Variants in EHHADH observed in about 807,000 individuals in gnomAD.
EHHADH encodes enoyl-CoA hydratase and 3-hydroxyacyl CoA dehydrogenase, also known as peroxisomal bifunctional enzyme.
A neutral mutation model predicts 64.4 loss-of-function variants in EHHADH; 48 were observed. The observed-to-expected ratio is 0.75, with a 90% confidence interval of 0.59 to 0.95. EHHADH has a LOEUF of 0.95. Among genes scored for constraint, EHHADH ranks in the 40% least tolerant of loss-of-function variants. The pLI, the probability that EHHADH is intolerant of heterozygous loss-of-function variation, is 0.00. For synonymous variants in EHHADH, 308 were observed against 326.7 expected, an observed-to-expected ratio of 0.94 and a Z score of 0.62; for missense variants, 854 against 876.6, an observed-to-expected ratio of 0.97 and a Z score of 0.33.
intron 4 of EHHADH, among the ~76,000 whole-genome samples, chr3:185,225,778 C>T (rs935002838): frequency 5.9e-5 from 9 of 152,148 alleles, no homozygotes; most frequent in Non-Finnish European, 1.3e-4. Flanking sequence ...AAGCATGTCC[C>T]TGCCTCAGGT....
intron 5 of EHHADH, among the ~76,000 whole-genome samples, chr3:185,217,547 G>A (rs373116035): frequency 1.0e-3 from 89 of 88,080 alleles, no homozygotes; most frequent in South Asian, 2.1e-3. Flanking sequence ...CTCTGTCTCA[G>A]AAAAAAAAAA....
rs144698232 is a variant in EHHADH at position 185,192,956 on chromosome 3, C to T, written c.1442G>A (p.Gly481Glu). ...VVVGNCFGFV[G>E]NRMLNPYYNQ... Reference sequence around the variant, plus strand: ...GTAGTAAGGATTCAACATTCGATTCCCCACAAATCCAAAACAGTTGCCTAC... The same window carrying T: ...GTAGTAAGGATTCAACATTCGATTCTCCACAAATCCAAAACAGTTGCCTAC... The change falls in exon 7 of 7, where the codon GGG becomes GAG. Residue 481 changes from glycine (G) to glutamate (E), a missense_variant. By Grantham distance (98) the Gly-to-Glu change is moderately conservative. Coordinates refer to ENST00000231887, the MANE Select transcript of EHHADH (RefSeq NM_001966.4). 1.5e-4 allele frequency: 238 copies of T among 1,614,052 alleles called. No individual in the cohort carries two copies. The highest frequency in any genetic ancestry group is 2.0e-4 in the Non-Finnish European group (232 of 1,180,050).
At position 185,192,403 on chromosome 3, in the gene EHHADH, G is replaced by C; in HGVS notation, c.1995C>G (p.Phe665Leu). ...TGGGCAACCCAACTGTGGAAGCATAGAACATGGGCCCGCCCTTGTGCCTTG... is the reference window on the plus strand; with the variant it reads ...TGGGCAACCCAACTGTGGAAGCATACAACATGGGCCCGCCCTTGTGCCTTG... ...GWPRHKGGPM[F>L]YASTVGLPTV... The change falls in exon 7 of 7, where the codon TTC (phenylalanine) becomes TTG (leucine). Residue 665 changes from phenylalanine to leucine, a missense_variant. Transcript: ENST00000231887. The C allele has an allele frequency of 6.2e-7, 1 of 1,614,172 alleles. No homozygotes were observed. The highest frequency in any genetic ancestry group is 2.2e-5 in the East Asian group (1 of 44,874).
At chr3:185,235,493 G>C in intron 2 of EHHADH, 31 bp from the exon 3 acceptor site, 1 of 1,566,792 alleles carries the variant, frequency 6.4e-7, no homozygotes, top group Non-Finnish European at 8.7e-7. Flanking sequence ...AGAAAACAGA[G>C]TTGAGAAATA....
intron 3 of EHHADH, among the ~76,000 whole-genome samples, chr3:185,234,683 A>G (rs1476593655): frequency 1.3e-5 from 2 of 150,224 alleles, no homozygotes; most frequent in East Asian, 3.9e-4. Context: ...GCTAAGGTTA[A>G]GGGAAACAAG....
chr3:185,239,464 G>C (rs541174977), intron 2 of EHHADH, among the ~76,000 whole-genome samples: 1 of 152,142 alleles, frequency 6.6e-6, no homozygotes, highest in East Asian at 1.9e-4. Context: ...TATTTCATCA[G>C]TGTTTTGTAG....
chr3:185,196,801 A>C (rs1718076474), intron 6 of EHHADH, among the ~76,000 whole-genome samples: 2 of 152,224 alleles, frequency 1.3e-5, no homozygotes, highest in Admixed American at 1.3e-4. Flanking sequence ...CAGGAGTTCA[A>C]GACCAGCCTG....
rs760433877 is a variant in EHHADH at position 185,248,447 on chromosome 3, C to A, written c.145G>T (p.Val49Leu). Residue 49 changes from valine to leucine, a missense_variant, in exon 2 of 7, where the codon GTG (valine) becomes TTG (leucine). Val to Leu is a conservative substitution (Grantham distance 32). Transcript: ENST00000231887. Reference sequence around the variant, plus strand: ...AATTTGCCCTCTGCTCCACAAATCACAATGGCTTTTATTGTATGGTCTATT... The same window carrying A: ...AATTTGCCCTCTGCTCCACAAATCAAAATGGCTTTTATTGTATGGTCTATT... ...AVIDHTIKAI[V>L]ICGAEGKFSA... 1.2e-6 allele frequency: 2 copies of A among 1,614,154 alleles called. No homozygotes were observed. The highest frequency in any genetic ancestry group is 3.3e-5 in the Admixed American group (2 of 60,026).
rs62288690 is a variant in EHHADH at position 185,253,720 on chromosome 3, G to A, written c.74+229C>T. ...TCAGTTTCCTTATCAGTAAAACGGG[G>A]ACGAGAGTTCCCTGCGAAGATTAAC... is the stretch of plus-strand genomic sequence containing the variant. On this transcript the variant is annotated intron_variant, in intron 1 of 6. Coordinates refer to ENST00000231887, the MANE Select transcript of EHHADH (RefSeq NM_001966.4). 66,804 of 1,005,296 alleles carry A rather than the reference G, an allele frequency of 0.066. 2,500 individuals are homozygous for A. The highest frequency in any genetic ancestry group is 0.085 in the Admixed American group (2,358 of 27,892). 62.3% of individuals were successfully genotyped at this position (1,005,296 alleles called of 1,614,324 possible).
chr3:185,222,902 C>T (rs546758729), intron 4 of EHHADH, among the ~76,000 whole-genome samples: 6 of 152,196 alleles, frequency 3.9e-5, no homozygotes, highest in South Asian at 2.1e-4. Flanking sequence ...AGTAACCTTT[C>T]GTTTTATTTG....
intron 5 of EHHADH, among the ~76,000 whole-genome samples, chr3:185,208,574 G>A (rs1253831894): frequency 6.6e-6 from 1 of 152,208 alleles, no homozygotes; most frequent in East Asian, 1.9e-4. Flanking sequence ...CGTTGCTTCT[G>A]AGAGTGTAAA....
intron 2 of EHHADH, among the ~76,000 whole-genome samples, chr3:185,237,434 T>C (rs767340643): frequency 6.6e-6 from 1 of 152,214 alleles, no homozygotes; most frequent in African/African-American, 2.4e-5. Flanking sequence ...AGCTTTGTCT[T>C]GTTCCTTTCT....
Position 185,193,298 on chromosome 3 carries a change from G to A in EHHADH, c.1100C>T (p.Ser367Leu). The A allele has an allele frequency of 6.2e-7, 1 of 1,608,484 alleles. No individual in the cohort carries two copies. Among genetic ancestry groups the A allele is most frequent in the Non-Finnish European group, 8.5e-7 (1 of 1,177,856 alleles). ...PWSGPKPRLT[S>L]SVKELGGVDL... ...TACACCACCAAGCTCCTTCACAGAT[G>A]AAGTTAACCTGGGTTTTGGTCCTGA... The change falls in exon 7 of 7, where the codon TCA becomes TTA. Residue 367 changes from serine to leucine, a missense_variant. Transcript: ENST00000231887.
intron 4 of EHHADH, chr3:185,226,746 C>G (rs1340505514): frequency 6.6e-6 from 1 of 152,044 alleles, no homozygotes; most frequent in African/African-American, 2.4e-5. Flanking sequence ...CATGACAAAC[C>G]CTGAGCTATA....
At position 185,212,370 on chromosome 3, in the gene EHHADH, G is replaced by A. The variant is rs183215474; in HGVS notation, c.568+5766C>T. 2.7e-3 allele frequency among the ~76,000 whole-genome samples: 417 copies of A among 152,316 alleles called. 3 individuals carry two copies. The highest frequency in any genetic ancestry group is 4.5e-3 in the Non-Finnish European group (307 of 68,036). On this transcript the variant is annotated intron_variant, in intron 5 of 6. Transcript: ENST00000231887. ...TCCACAGTCAACTCACCAGGATACA[G>A]TGTTAAGTTTGTAGAGAAATGTGCC...
chr3:185,226,234 G>A (rs1456388148), intron 4 of EHHADH, among the ~76,000 whole-genome samples: 1 of 152,204 alleles, frequency 6.6e-6, no homozygotes, highest in East Asian at 1.9e-4. Context: ...TGGAGGAAGC[G>A]AGCTGTCACA....
At chr3:185,215,433 C>T (rs1718655502) in intron 5 of EHHADH, among the ~76,000 whole-genome samples, 1 of 152,090 alleles carries the variant, frequency 6.6e-6, no homozygotes, top group Non-Finnish European at 1.5e-5. Context: ...TGATTTCATC[C>T]ATATGAGATT....
rs192371736 is a variant in EHHADH, at chr3:185,213,773, C to T, written c.568+4363G>A. Among the ~76,000 whole-genome samples the T allele has an allele frequency of 2.1e-3, 314 of 150,688 alleles. 1 individual carries two copies. Among genetic ancestry groups the T allele is most frequent in the Non-Finnish European group, 3.6e-3 (244 of 67,782 alleles). ...TGCATGCCTGTAATCCCAGCTACTC[C>T]AGAGGCTGAAGCAGGAGAATCAATT... On this transcript the variant is annotated intron_variant, in intron 5 of 6. Coordinates refer to ENST00000231887, the MANE Select transcript of EHHADH (RefSeq NM_001966.4).
At chr3:185,217,828 G>A (rs1477337298) in intron 5 of EHHADH, among the ~76,000 whole-genome samples, 4 of 149,884 alleles carry the variant, frequency 2.7e-5, no homozygotes. Context: ...GCAGTGGCGC[G>A]ATCTCGGCTC....
Sources: allele counts gnomAD v4.1 joint callset (sites outside exome capture counted in the v4.1 genomes callset), GRCh38; gene constraint gnomAD v4.1.1; transcripts MANE v1.5; gene names NCBI Gene and HGNC (gene_info 2026-07-23, HGNC 2026-07-21).